ANKRD36: variants seen among roughly 807,000 people sequenced by gnomAD.
ANKRD36 encodes ankyrin repeat domain 36, also known as ankyrin repeat domain-containing protein 36A.
Under a neutral mutation model 278.1 loss-of-function variants are expected in ANKRD36, and 179 were observed. The observed-to-expected ratio is 0.64, with a 90% CI of 0.57 to 0.73. The LOEUF (loss-of-function observed/expected upper bound fraction) is 0.73, where lower values mean the gene tolerates loss of function less well. Ranked by LOEUF, ANKRD36 falls within the 30% of genes least tolerant of loss-of-function variation. The pLI, the probability that ANKRD36 is intolerant of heterozygous loss-of-function variation, is 0.00. For missense variants in ANKRD36, 1,159 were observed against 1,956.7 expected (o/e 0.59, Z 7.69); for synonymous variants, 320 against 641.1 (o/e 0.50, Z 7.57).
intron 12 of ANKRD36, among the ~76,000 whole-genome samples, chr2:97,150,973 T>C: frequency 6.6e-6 from 1 of 152,140 alleles, no homozygotes. Flanking sequence ...TATTTTATAG[T>C]AAACAAATGA....
At chr2:97,171,704 A>T (rs889723310) in intron 22 of ANKRD36, among the ~76,000 whole-genome samples, 16 of 148,282 alleles carry the variant, frequency 1.1e-4, no homozygotes, top group African/African-American at 3.9e-4. Context: ...AGTATAATTA[A>T]AAAAAAAAAG....
intron 64 of ANKRD36, among the ~76,000 whole-genome samples, chr2:97,218,181 G>T (rs1414837089): frequency 1.3e-5 from 2 of 149,822 alleles, no homozygotes; most frequent in Non-Finnish European, 3.0e-5. Flanking sequence ...ATTCTTTATA[G>T]TAAAGTGATA....
chr2:97,133,812 A>G (rs1373099628), intron 6 of ANKRD36, among the ~76,000 whole-genome samples: 3 of 152,062 alleles, frequency 2.0e-5, no homozygotes, highest in South Asian at 2.1e-4. Context: ...AAGAACCTAA[A>G]GAGATTTTTC....
chr2:97,260,375 TATATAC>T (rs1156677819), intron 75 of ANKRD36, among the ~76,000 whole-genome samples: 8 of 127,800 alleles, frequency 6.3e-5, no homozygotes, highest in Non-Finnish European at 1.2e-4. Context: ...TATATATATA[TATATAC>T]ACACATATAT....
chr2:97,182,775 G>A (rs2056545166), intron 26 of ANKRD36, among the ~76,000 whole-genome samples: 1 of 151,482 alleles, frequency 6.6e-6, no homozygotes, highest in African/African-American at 2.4e-5. Flanking sequence ...TTTTTGATAA[G>A]GTTTATGTAT....
chr2:97,183,654 G>A lies in ANKRD36; in HGVS notation c.1939G>A (p.Val647Met). The A allele has an allele frequency of 6.4e-7, 1 of 1,571,120 alleles. No homozygotes were observed. Among genetic ancestry groups the A allele is most frequent in the Non-Finnish European group, 8.6e-7 (1 of 1,158,224 alleles). ...AATGGGTGGTGGGAAATCTGGAACAGGTAATTTGGCAATACACATTTAATG... is the reference window on the plus strand; with the variant it reads ...AATGGGTGGTGGGAAATCTGGAACAAGTAATTTGGCAATACACATTTAATG... The part of the protein sequence containing the change: ...RIMGGGKSGT[V>M]SSQKQPASKA... Residue 647 changes from valine (V) to methionine (M), a missense_variant and splice_region_variant, in exon 28 of 76, where the codon GTG becomes ATG. By Grantham distance (21) the Val-to-Met change is conservative (BLOSUM62 1). Transcript: ENST00000420699.
At chr2:97,130,732 CT>C (rs2039931494) in intron 6 of ANKRD36, among the ~76,000 whole-genome samples, 1 of 152,058 alleles carries the variant, frequency 6.6e-6, no homozygotes, top group African/African-American at 2.4e-5. Context: ...GTGCAATTCC[CT>C]TTTCATGACC....
intron 9 of ANKRD36, 30 bp from the exon 10 acceptor site, chr2:97,144,610 A>G: frequency 1.3e-6 from 2 of 1,556,002 alleles, no homozygotes; most frequent in South Asian, 1.2e-5. Flanking sequence ...TACTGTAGGT[A>G]TTGATTATTT....
Position 97,155,213 on chromosome 2 carries a change from T to A in ANKRD36, c.1260+472T>A, listed in dbSNP as rs1048240427. On this transcript the variant is annotated intron_variant, in intron 15 of 75. Coordinates refer to ENST00000420699, the MANE Select transcript of ANKRD36 (RefSeq NM_001354587.1). Reference sequence around the variant, plus strand: ...ACATAGCATATAGTTTCTTTTCATTTCTTGTACACCTATTTTAACATCATA... The same window carrying A: ...ACATAGCATATAGTTTCTTTTCATTACTTGTACACCTATTTTAACATCATA... 3.7e-4 allele frequency among the ~76,000 whole-genome samples: 52 copies of A among 142,442 alleles called. 4 individuals carry two copies. The highest frequency in any genetic ancestry group is 1.1e-4 in the Non-Finnish European group (7 of 62,792). 93.4% of individuals were successfully genotyped at this position (142,442 alleles called of 152,430 possible).
chr2:97,178,594 C>T (rs911099871), intron 22 of ANKRD36, among the ~76,000 whole-genome samples: 7 of 148,136 alleles, frequency 4.7e-5, no homozygotes, highest in African/African-American at 1.5e-4. Flanking sequence ...AACCAAACAC[C>T]GCATATTCTC....
At position 97,211,697 on chromosome 2, in the gene ANKRD36, C is replaced by T. The variant is rs749026163; in HGVS notation, c.3425C>T (p.Pro1142Leu). Reference protein sequence around the residue: ...KAICDKEDSVPNMATEKKDEQ... With the variant: ...KAICDKEDSVLNMATEKKDEQ... ...ATCTGTGACAAGGAAGATTCTGTTC[C>T]GAATATGGCCACGGAAAAAAAGGAT... is the stretch of plus-strand genomic sequence containing the variant. Residue 1142 changes from proline to leucine, a missense_variant, in exon 58 of 76, where the codon CCG (proline) becomes CTG (leucine). By Grantham distance (98) the Pro-to-Leu change is moderately conservative. Coordinates refer to ENST00000420699, the MANE Select transcript of ANKRD36 (RefSeq NM_001354587.1). The T allele has an allele frequency of 8.8e-6, 14 of 1,594,600 alleles. No homozygotes were observed. The highest frequency in any genetic ancestry group is 1.3e-5 in the African/African-American group (1 of 74,302).
At chr2:97,171,930 A>T (rs1386837156) in intron 22 of ANKRD36, among the ~76,000 whole-genome samples, 1 of 152,046 alleles carries the variant, frequency 6.6e-6, no homozygotes, top group African/African-American at 2.4e-5. Context: ...ATCTAATTAA[A>T]CTAAGGAACT....
chr2:97,207,072 A>G (rs921534651), intron 52 of ANKRD36, among the ~76,000 whole-genome samples: 3 of 151,602 alleles, frequency 2.0e-5, no homozygotes, highest in Non-Finnish European at 4.4e-5. Flanking sequence ...TAATGCTTGT[A>G]GCAGTCTTAC....
Position 97,194,993 on chromosome 2 carries a change from G to T in ANKRD36, c.2551+76G>T. On this transcript the variant is annotated intron_variant, in intron 40 of 75. Transcript: ENST00000420699. ...CTCTTCCCCGAATAAATCAGTGGGG[G>T]GCTGGTCAAAGATGCACATTCTGAT... 6.6e-6 allele frequency: 10 copies of T among 1,518,694 alleles called. No individual in the cohort carries two copies. The East Asian group carries it at 1.5e-4, about 22-fold the overall frequency. 94.1% of individuals were successfully genotyped at this position (1,518,694 alleles called of 1,614,324 possible). A position where few individuals can be genotyped will look rare whatever the true frequency, so the allele number is the denominator to read the frequency against.
At chr2:97,260,348 A>ATG in intron 75 of ANKRD36, among the ~76,000 whole-genome samples, 1 of 8,342 alleles carries the variant, frequency 1.2e-4, no homozygotes, top group African/African-American at 2.9e-4. Flanking sequence ...ATTTTAAAAG[A>ATG]TATATATATA....
intron 22 of ANKRD36, among the ~76,000 whole-genome samples, chr2:97,176,174 A>C (rs540361821): frequency 3.9e-5 from 6 of 151,934 alleles, no homozygotes; most frequent in East Asian, 1.9e-4. Context: ...ATTCCTGGGT[A>C]TCCTTGTTGA....
In ANKRD36 at chr2:97,179,770, A is replaced by G; in HGVS notation, c.1662+4A>G. On this transcript the variant is annotated splice_donor_region_variant and intron_variant, in intron 23 of 75. Coordinates refer to ENST00000420699, the MANE Select transcript of ANKRD36 (RefSeq NM_001354587.1). ...TCAGAAACAACCAGCTGAGAAGGTA[A>G]TTAAAGTCTCATTTATATGTTGAAC... 1 of 1,594,082 alleles carries G rather than the reference A, an allele frequency of 6.3e-7. No individual in the cohort carries two copies. Among genetic ancestry groups the G allele is most frequent in the Non-Finnish European group, 8.5e-7 (1 of 1,177,394 alleles).
At chr2:97,199,922 G>A (rs1379497863) in intron 44 of ANKRD36, among the ~76,000 whole-genome samples, 1 of 151,890 alleles carries the variant, frequency 6.6e-6, no homozygotes, top group South Asian at 2.1e-4. Context: ...ATGAATGTTT[G>A]CAGTATAATG....
chr2:97,137,572 C>A (rs2041846598), intron 6 of ANKRD36, among the ~76,000 whole-genome samples: 1 of 130,416 alleles, frequency 7.7e-6, no homozygotes, highest in Non-Finnish European at 1.8e-5. Flanking sequence ...CAGGAACAAG[C>A]CACTGTACAT....
Sources: gnomAD v4.1 joint callset for allele counts (sites outside exome capture counted in the v4.1 genomes callset) on GRCh38, gnomAD v4.1.1 for gene constraint, MANE v1.5 for transcripts, NCBI Gene and HGNC (gene_info 2026-07-23, HGNC 2026-07-21) for gene names.